Variants in SMG1 observed in about 807,000 individuals in gnomAD.
The protein encoded by SMG1 is SMG1 nonsense mediated mRNA decay associated PI3K related kinase.
SMG1 carries 22 observed loss-of-function variants against 419.9 expected under a neutral mutation model. The ratio of observed to expected loss-of-function variants is 0.05; its 90% CI spans 0.04 to 0.07. The LOEUF (loss-of-function observed/expected upper bound fraction) is 0.07. Ranked by LOEUF, SMG1 falls within the 10% of genes least tolerant of loss-of-function variation. SMG1 has a pLI of 1.00. For missense variants in SMG1, 3,185 were observed against 4,342.0 expected, an observed-to-expected ratio of 0.73 and a Z score of 7.49; for synonymous variants, 1,538 against 1,553.5, an observed-to-expected ratio of 0.99 and a Z score of 0.23.
At chr16:18,812,589 C>CAT (rs763532858) in intron 60 of SMG1, among the ~76,000 whole-genome samples, 1 of 149,236 alleles carries the variant, frequency 6.7e-6, no homozygotes, top group Non-Finnish European at 1.5e-5. Context: ...CATATATATA[C>CAT]ATATATATAC....
rs543861730 is a variant in SMG1, at chr16:18,868,715, G to C, written c.2838C>G (p.Ile946Met). ...ATGTGTGAGCTGCGAGACTTCGAAT[G>C]ATACCTGAAAGCAAAGACAACATTC... is the stretch of plus-strand genomic sequence containing the variant. Reference protein sequence around the residue: ...AQDTFQTIEGIIRSLAAHTLN... With the variant: ...AQDTFQTIEGMIRSLAAHTLN... The change falls in exon 21 of 63, where the codon ATC becomes ATG. Residue 946 changes from isoleucine (I) to methionine (M), a missense_variant. This residue lies in a region of SMG1 where 70 missense variants were observed against 185.7 expected (regional missense o/e 0.38). Transcript: ENST00000446231. 5.8e-6 allele frequency: 6 copies of C among 1,027,846 alleles called. No homozygotes were observed. Among genetic ancestry groups the C allele is most frequent in the South Asian group, 5.6e-5 (4 of 71,642 alleles). 63.7% of individuals were successfully genotyped at this position (1,027,846 alleles called of 1,614,324 possible).
chr16:18,909,990 T>C (rs1171377166), intron 1 of SMG1, among the ~76,000 whole-genome samples: 1 of 150,534 alleles, frequency 6.6e-6, no homozygotes, highest in Non-Finnish European at 1.5e-5. Flanking sequence ...ACTTTTATAA[T>C]TCCCTTTTAC....
chr16:18,923,651 A>G (rs2038282571), intron 1 of SMG1, among the ~76,000 whole-genome samples: 2 of 152,122 alleles, frequency 1.3e-5, no homozygotes, highest in South Asian at 4.2e-4. Context: ...GAAAAAAAAA[A>G]GGCCTACATC....
intron 1 of SMG1, among the ~76,000 whole-genome samples, chr16:18,914,794 C>T (rs1422665157): frequency 1.3e-5 from 2 of 152,114 alleles, no homozygotes; most frequent in Admixed American, 6.6e-5. Context: ...AGGCTCAACC[C>T]AGTGCTTAAA....
chr16:18,813,264 A>G (rs1457340999), intron 60 of SMG1, among the ~76,000 whole-genome samples: 14 of 151,932 alleles, frequency 9.2e-5, no homozygotes, highest in African/African-American at 1.4e-4. Context: ...CACAATGGTT[A>G]AACTAGTTTA....
chr16:18,829,797 A>G, intron 53 of SMG1, 42 bp from the exon 54 acceptor site: 3 of 1,542,284 alleles, frequency 1.9e-6, no homozygotes, highest in Middle Eastern at 1.9e-4. Flanking sequence ...GAAAAAAATC[A>G]GGTAATATGC....
At chr16:18,887,762 T>TAAAAAAAAAAAAA (rs57393561) in intron 6 of SMG1, among the ~76,000 whole-genome samples, 1 of 38,286 alleles carries the variant, frequency 2.6e-5, no homozygotes, top group Non-Finnish European at 4.2e-5. Context: ...TCAAAAACAG[T>TAAAAAAAAAAAAA]AAAAAAAAAA....
Position 18,869,907 on chromosome 16 carries a change from T to C in SMG1, c.2580A>G (p.Gln860=), listed in dbSNP as rs1415676885. Residue 860 remains glutamine (Q), a synonymous_variant, in exon 19 of 63, where the codon CAA becomes CAG. Coordinates refer to ENST00000446231, the MANE Select transcript of SMG1 (RefSeq NM_015092.5). ...SKAPSNTFHP[Q]DFSDVISFIL... ...TAAAACTAATAACATCAGAGAAATC[T>C]TGGGGGTGGAATGTATTACTTGGTG... 9 of 1,555,070 alleles carry C rather than the reference T, an allele frequency of 5.8e-6. No individual in the cohort carries two copies. Among genetic ancestry groups the C allele is most frequent in the South Asian group, 1.1e-5 (1 of 89,148 alleles).
At chr16:18,909,959 AT>A (rs1384112626) in intron 1 of SMG1, among the ~76,000 whole-genome samples, 2 of 152,282 alleles carry the variant, frequency 1.3e-5, no homozygotes, top group African/African-American at 4.8e-5. Flanking sequence ...TCAGATTGAC[AT>A]AAGTGATTTA....
chr16:18,865,264 A>G (rs530433421), intron 23 of SMG1, among the ~76,000 whole-genome samples: 2 of 152,226 alleles, frequency 1.3e-5, no homozygotes, highest in Non-Finnish European at 2.9e-5. Context: ...GTCATTAATA[A>G]ATATAGAAAT....
rs572183338 is a variant in SMG1 at position 18,832,811 on chromosome 16, A to G, written c.8792+129T>C. 3,599 of 775,246 alleles carry G rather than the reference A, an allele frequency of 4.6e-3. 17 individuals carry two copies. Among genetic ancestry groups the G allele is most frequent in the Non-Finnish European group, 6.0e-3 (2,769 of 461,806 alleles). The allele number at this position is 775,246 out of a possible 1,614,324, so 48.0% of individuals were successfully genotyped here. On this transcript the variant is annotated intron_variant, in intron 51 of 62. Transcript: ENST00000446231. ...AAAAAAGTTTTAAAAAGATACGTGT[A>G]TGAGCATTTATAAGTAATTATACCT...
At chr16:18,832,152 A>T (rs1207998878) in intron 51 of SMG1, among the ~76,000 whole-genome samples, 1 of 152,104 alleles carries the variant, frequency 6.6e-6, no homozygotes, top group African/African-American at 2.4e-5. Flanking sequence ...CCATGGGAGG[A>T]AACGGTGCTA....
rs2033310250 is a variant in SMG1 at position 18,833,015 on chromosome 16, G to C, written c.8717C>G (p.Ser2906Cys). ...TGCGTTTCTTAAGTAGGCCTGAAGA[G>C]ATTCCACTAGAGTCTGCAGGGGAAC... ...DGVPLQTLVESLQAYLRNAAM... is the reference protein window; with the variant it reads ...DGVPLQTLVECLQAYLRNAAM... Residue 2906 changes from serine (S) to cysteine (C), a missense_variant, in exon 51 of 63, where the codon TCT becomes TGT. This residue lies in a region of SMG1 where 737 missense variants were observed against 846.6 expected (regional missense o/e 0.87). Transcript: ENST00000446231. The C allele has an allele frequency of 1.9e-6, 3 of 1,613,846 alleles. No individual in the cohort carries two copies. The highest frequency in any genetic ancestry group is 2.5e-6 in the Non-Finnish European group (3 of 1,179,892).
At chr16:18,880,613 G>A (rs556361637) in intron 10 of SMG1, among the ~76,000 whole-genome samples, 13 of 151,732 alleles carry the variant, frequency 8.6e-5, no homozygotes, top group Admixed American at 7.2e-4. Flanking sequence ...TACTTGAGAG[G>A]CTGAGGTGGG....
chr16:18,820,439 A>G (rs1053425952), intron 55 of SMG1, among the ~76,000 whole-genome samples: 11 of 150,714 alleles, frequency 7.3e-5, no homozygotes, highest in African/African-American at 2.7e-4. Context: ...CCTGGCCTCA[A>G]GCAATCCACC....
chr16:18,875,908 A>C, intron 13 of SMG1: 2 of 562,634 alleles, frequency 3.6e-6, no homozygotes, highest in Non-Finnish European at 6.3e-6. Flanking sequence ...AAAAAAACTT[A>C]TCAAGATTTG....
chr16:18,926,069 C>T lies in SMG1; in HGVS notation c.-28G>A. The T allele has an allele frequency of 1.3e-6, 2 of 1,543,220 alleles. No individual in the cohort carries two copies. Among genetic ancestry groups the T allele is most frequent in the Non-Finnish European group, 8.7e-7 (1 of 1,153,818 alleles). On this transcript the variant is annotated 5_prime_UTR_variant, in exon 1 of 63. Transcript: ENST00000446231. ...CCTTCCCCGACACGACATGGCCAAGCGCCGCCGCCCAAAGAAGCGCGAGTC... is the reference window on the plus strand; with the variant it reads ...CCTTCCCCGACACGACATGGCCAAGTGCCGCCGCCCAAAGAAGCGCGAGTC...
rs776555902 is a variant in SMG1 at position 18,926,010 on chromosome 16, C to A, written c.32G>T (p.Ser11Ile). 2.5e-6 allele frequency: 4 copies of A among 1,580,388 alleles called. No individual in the cohort carries two copies. The Admixed American group carries it at 6.9e-5, about 27-fold the overall frequency. MSRRAPGSRL[S>I]SGGGGGGTKY... ...GGTGCCGCCGCCGCCGCCGCCGCTG[C>A]TCAGCCGAGACCCCGGGGCTCTGCG... The change falls in exon 1 of 63, where the codon AGC (serine) becomes ATC (isoleucine). Residue 11 changes from serine to isoleucine, a missense_variant. Around this residue, in one of 27 missense-constraint regions of SMG1, gnomAD observed 88 missense variants for 85.9 expected, o/e 1.02. Coordinates refer to ENST00000446231, the MANE Select transcript of SMG1 (RefSeq NM_015092.5).
At chr16:18,886,749 C>A (rs1432891598) in intron 6 of SMG1, among the ~76,000 whole-genome samples, 1 of 152,126 alleles carries the variant, frequency 6.6e-6, no homozygotes, top group Non-Finnish European at 1.5e-5. Context: ...TTGCAGTGAG[C>A]CGAGATCGTG....
Sources: gnomAD v4.1 joint callset for allele counts (sites outside exome capture counted in the v4.1 genomes callset) on GRCh38, gnomAD v4.1.1 for gene constraint, gnomAD v4.1.1 regional missense constraint, MANE v1.5 for transcripts, NCBI Gene and HGNC (gene_info 2026-07-23, HGNC 2026-07-21) for gene names.